PLA2G4B: variants seen among roughly 807,000 people sequenced by gnomAD.
The protein encoded by PLA2G4B is phospholipase A2 group IVB, also known as cytosolic phospholipase A2 beta.
In PLA2G4B, 122 loss-of-function variants were observed where a neutral mutation model predicts 95.8. The ratio of observed to expected loss-of-function variants is 1.27; its 90% CI spans 1.10 to 1.48. The LOEUF (loss-of-function observed/expected upper bound fraction) is 1.48, where lower values mean the gene tolerates loss of function less well. PLA2G4B is among the 40% of genes most tolerant of loss of function. PLA2G4B has a pLI of 0.00. For synonymous variants in PLA2G4B, 518 were observed against 421.5 expected (o/e 1.23, Z -2.80); for missense variants, 1,158 against 996.2 (o/e 1.16, Z -2.19).
At position 41,847,445 on chromosome 15, in the gene PLA2G4B, G is replaced by A. The variant is rs542271554; in HGVS notation, c.2056G>A (p.Asp686Asn). 3.0e-5 allele frequency: 48 copies of A among 1,613,124 alleles called. No homozygotes were observed. Among genetic ancestry groups the A allele is most frequent in the Non-Finnish European group, 3.8e-5 (45 of 1,179,792 alleles). The change falls in exon 19 of 20, where the codon GAC becomes AAC. Residue 686 changes from aspartate to asparagine, a missense_variant. Coordinates refer to ENST00000458483, the MANE Select transcript of PLA2G4B (RefSeq NM_001114633.2). Reference protein sequence around the residue: ...LQPRECHTFSDPTCPGAPAVL... With the variant: ...LQPRECHTFSNPTCPGAPAVL... Reference sequence around the variant, plus strand: ...GCCTCGGGAGTGCCACACCTTCTCCGACCCCACCTGCCCCGGAGCCCCTGC... The same window carrying A: ...GCCTCGGGAGTGCCACACCTTCTCCAACCCCACCTGCCCCGGAGCCCCTGC...
intron 11 of PLA2G4B, among the ~76,000 whole-genome samples, chr15:41,844,186 C>A (rs912080977): frequency 6.6e-6 from 1 of 152,158 alleles, no homozygotes; most frequent in African/African-American, 2.4e-5. Flanking sequence ...CTGAGGCGGG[C>A]CCTGGGGCTT....
Position 41,846,710 on chromosome 15 carries a change from G to C in PLA2G4B, c.1822G>C (p.Glu608Gln). 6.2e-7 allele frequency: 1 copy of C among 1,613,756 alleles called. No individual in the cohort carries two copies. Among genetic ancestry groups the C allele is most frequent in the Non-Finnish European group, 8.5e-7 (1 of 1,179,840 alleles). Residue 608 changes from glutamate to glutamine, a missense_variant, in exon 18 of 20, where the codon GAG becomes CAG. Transcript: ENST00000458483. The part of the protein sequence containing the change: ...DGLPNQLTPS[E>Q]PHLCLLDVGY... ...GCTCCCCAACCAGCTGACACCCTCG[G>C]AGCCCCACCTGTGCCTGCTGGATGT...
chr15:41,846,613 C>T (rs575111924), intron 17 of PLA2G4B, 56 bp from the exon 18 acceptor site: 4 of 1,551,026 alleles, frequency 2.6e-6, no homozygotes, highest in East Asian at 2.3e-5. Flanking sequence ...CTCCTTCCAG[C>T]AGGAATCTGG....
At position 41,840,832 on chromosome 15, in the gene PLA2G4B, T is replaced by G; in HGVS notation, c.278T>G (p.Leu93Trp). Residue 93 changes from leucine to tryptophan, a missense_variant, in exon 4 of 20, where the codon TTG (leucine) becomes TGG (tryptophan). Coordinates refer to ENST00000458483, the MANE Select transcript of PLA2G4B (RefSeq NM_001114633.2). ...CTGGTGACCGGAGATGACCCTGTGT[T>G]GTCAGTACTGTTTGATGCGGGGACT... The part of the protein sequence containing the change: ...QDLVTGDDPV[L>W]SVLFDAGTLR... 2 of 1,614,096 alleles carry G rather than the reference T, an allele frequency of 1.2e-6. No homozygotes were observed. Among genetic ancestry groups the G allele is most frequent in the Non-Finnish European group, 1.7e-6 (2 of 1,179,998 alleles).
At chr15:41,845,575 G>A (rs4924580) in intron 14 of PLA2G4B, 63 bp from the exon 15 acceptor site, 523,872 of 1,591,992 alleles carry the variant, frequency 0.33, 89,989 homozygotes, top group Admixed American at 0.39. Flanking sequence ...ACCCTGGGTC[G>A]GGGTGGGGGT....
At chr15:41,845,555 C>G in intron 14 of PLA2G4B, 83 bp from the exon 15 acceptor site, 1 of 1,573,762 alleles carries the variant, frequency 6.4e-7, no homozygotes, top group East Asian at 2.2e-5. Flanking sequence ...CTCAGCTGCC[C>G]TAAAGCAAAA....
chr15:41,845,659 A>C lies in PLA2G4B; in HGVS notation c.1379A>C (p.Tyr460Ser), dbSNP rs768490358. ...EFGEWCEFSP[Y>S]EVGFPKYGAF... ...ACAGAGTGGTGCGAGTTCTCTCCCT[A>C]CGAGGTCGGCTTCCCCAAGTACGGG... is the stretch of plus-strand genomic sequence containing the variant. Residue 460 changes from tyrosine (Y) to serine (S), a missense_variant, in exon 15 of 20, where the codon TAC becomes TCC. Physicochemically the swap from Tyr to Ser is moderately radical, Grantham distance 144 (BLOSUM62 -2). Coordinates refer to ENST00000458483, the MANE Select transcript of PLA2G4B (RefSeq NM_001114633.2). 1 of 1,614,018 alleles carries C rather than the reference A, an allele frequency of 6.2e-7. No homozygotes were observed.
Position 41,844,578 on chromosome 15 carries a change from C to T in PLA2G4B, c.987C>T (p.Ser329=), listed in dbSNP as rs1340586243. The T allele has an allele frequency of 1.2e-6, 2 of 1,614,060 alleles. No homozygotes were observed. The highest frequency in any genetic ancestry group is 1.3e-5 in the African/African-American group (1 of 74,928). ...AGCTGGGCCTCTTGGATTGCGTCTC[C>T]TACATCACCGGGGCCTCGGGCTCCA... ...LKELGLLDCV[S]YITGASGSTW... is the part of the protein sequence containing the mutation. The change falls in exon 12 of 20, where the codon TCC becomes TCT. Residue 329 remains serine (S), a synonymous_variant. Coordinates refer to ENST00000458483, the MANE Select transcript of PLA2G4B (RefSeq NM_001114633.2).
At chr15:41,842,458 G>A (rs2065450762) in intron 9 of PLA2G4B, 96 bp from the exon 10 acceptor site, 1 of 1,539,364 alleles carries the variant, frequency 6.5e-7, no homozygotes, top group South Asian at 1.2e-5. Context: ...GGAGACGGTG[G>A]CGGGGCGGGG....
intron 12 of PLA2G4B, 91 bp downstream of exon 12, chr15:41,844,698 T>TGGGAGAATGAATGTGCCA: frequency 6.3e-7 from 1 of 1,598,356 alleles, no homozygotes; most frequent in Non-Finnish European, 8.5e-7. Context: ...CTAGAAGGGC[T>TGGGAGAATGAATGTGCCA]GGGAGAATGA....
chr15:41,844,387 C>T, intron 11 of PLA2G4B, 84 bp from the exon 12 acceptor site: 1 of 1,602,864 alleles, frequency 6.2e-7, no homozygotes, highest in South Asian at 1.1e-5. Context: ...GCTGGGTGGC[C>T]ACTTGACCTG....
chr15:41,844,656 G>C, intron 12 of PLA2G4B, 49 bp downstream of exon 12: 1 of 1,612,338 alleles, frequency 6.2e-7, no homozygotes, highest in Non-Finnish European at 8.5e-7. Flanking sequence ...AGGGGGTGCT[G>C]GTGCCAGGGT....
intron 18 of PLA2G4B, 142 bp downstream of exon 18, chr15:41,846,977 G>T: frequency 8.2e-7 from 1 of 1,214,536 alleles, no homozygotes; most frequent in Non-Finnish European, 1.1e-6. Context: ...GCCACCAGAG[G>T]AGCTCATTCT....
chr15:41,840,632 T>G lies in PLA2G4B; in HGVS notation c.191T>G (p.Phe64Cys). 1 of 1,613,870 alleles carries G rather than the reference T, an allele frequency of 6.2e-7. No homozygotes were observed. The highest frequency in any genetic ancestry group is 1.1e-5 in the South Asian group (1 of 91,074). The change falls in exon 3 of 20, where the codon TTT (phenylalanine) becomes TGT (cysteine). Residue 64 changes from phenylalanine (F) to cysteine (C), a missense_variant. By Grantham distance (205) the Phe-to-Cys change is radical (BLOSUM62 -2). Coordinates refer to ENST00000458483, the MANE Select transcript of PLA2G4B (RefSeq NM_001114633.2). ...AGTAGCCCTGTCTGGAACCAGAGCT[T>G]TCACTTCAGGATCCACAGGCAGCTC... is the stretch of plus-strand genomic sequence containing the variant. Reference protein sequence around the residue: ...NSSSPVWNQSFHFRIHRQLKN... With the variant: ...NSSSPVWNQSCHFRIHRQLKN...
chr15:41,842,378 G>T, intron 9 of PLA2G4B, 102 bp downstream of exon 9: 2 of 1,562,456 alleles, frequency 1.3e-6, no homozygotes, highest in Non-Finnish European at 8.7e-7. Flanking sequence ...GTCACACCCT[G>T]AGCAGGTGCT....
Position 41,842,270 on chromosome 15 carries a change from G to C in PLA2G4B, c.699G>C (p.Thr233=). Residue 233 remains threonine, a synonymous_variant, in exon 9 of 20, where the codon ACG becomes ACC. Transcript: ENST00000458483. ...AAGTGGTGAGGCTTGTCTTCCCCAC[G>C]TCCCAGGTACTGGCCTCCCAGGGAA... ...SGQVVRLVFP[T]SQEPLMRVEL... The C allele has an allele frequency of 6.2e-7, 1 of 1,613,976 alleles. No homozygotes were observed. Among genetic ancestry groups the C allele is most frequent in the Non-Finnish European group, 8.5e-7 (1 of 1,180,006 alleles).
intron 12 of PLA2G4B, 82 bp from the exon 13 acceptor site, chr15:41,844,766 G>A (rs1295132971): frequency 1.4e-5 from 21 of 1,537,844 alleles, no homozygotes; most frequent in Non-Finnish European, 1.7e-5. Context: ...CCAGGCCATT[G>A]TCCTAGAAAG....
rs1419163845 is a variant in PLA2G4B at position 41,838,881 on chromosome 15, C to T, written c.-33C>T. 2 of 1,588,300 alleles carry T rather than the reference C, an allele frequency of 1.3e-6. No homozygotes were observed. The highest frequency in any genetic ancestry group is 1.7e-6 in the Non-Finnish European group (2 of 1,165,822). On this transcript the variant is annotated 5_prime_UTR_variant, in exon 1 of 20. Coordinates refer to ENST00000458483, the MANE Select transcript of PLA2G4B (RefSeq NM_001114633.2). ...ACAGTCCTTGATCCTGTGGCCACTG[C>T]CCCATCATTCCTGCTCCTGAGGACT...
At position 41,847,543 on chromosome 15, in the gene PLA2G4B, C is replaced by CCCAT; in HGVS notation, c.2134+23_2134+26dup. ...CCCCTGGTGAGCTGCTGTTCACCTCCCCATCCTGCTGCCCCAGTCCCCCAC... is the reference window on the plus strand; with the variant it reads ...CCCCTGGTGAGCTGCTGTTCACCTCCCCATCCATCCTGCTGCCCCAGTCCCCCAC... On this transcript the variant is annotated intron_variant, in intron 19 of 19. Transcript: ENST00000458483. 1.2e-6 allele frequency: 2 copies of CCCAT among 1,603,138 alleles called. No individual in the cohort carries two copies. The highest frequency in any genetic ancestry group is 2.2e-5 in the South Asian group (2 of 90,244).
Sources: allele counts gnomAD v4.1 joint callset (sites outside exome capture counted in the v4.1 genomes callset), GRCh38; gene constraint gnomAD v4.1.1; transcripts MANE v1.5; gene names NCBI Gene and HGNC (gene_info 2026-07-23, HGNC 2026-07-21).